The following ZNF578 variants were observed in gnomAD, a reference collection of about 807,000 sequenced individuals.
ZNF578 encodes the protein Putative chemokine-related protein B42.
Under a neutral mutation model 8.3 loss-of-function variants are expected in ZNF578, and 8 were observed. That is an observed-to-expected ratio of 0.96 (90% CI 0.56 to 1.74). The LOEUF (loss-of-function observed/expected upper bound fraction) is 1.74, where lower values mean the gene tolerates loss of function less well. Among genes scored for constraint, ZNF578 ranks in the 40% most tolerant of loss-of-function variants. The pLI is 0.00. For synonymous variants in ZNF578, 206 were observed against 232.2 expected (o/e 0.89, Z 1.03); for missense variants, 726 against 707.5 (o/e 1.03, Z -0.30).
In ZNF578 at chr19:52,510,606, G is replaced by C; in HGVS notation, c.225G>C (p.Leu75Phe). 2 of 1,556,520 alleles carry C rather than the reference G, an allele frequency of 1.3e-6. No homozygotes were observed. Among genetic ancestry groups the C allele is most frequent in the South Asian group, 1.2e-5 (1 of 81,702 alleles). ...ISSKRMMKEVLSTGQGNTEVI... is the reference protein window; with the variant it reads ...ISSKRMMKEVFSTGQGNTEVI... ...CCAAACGCATGATGAAGGAGGTCTTGTCAACAGGGCAAGGCAATACAGAAG... is the reference window on the plus strand; with the variant it reads ...CCAAACGCATGATGAAGGAGGTCTTCTCAACAGGGCAAGGCAATACAGAAG... Residue 75 changes from leucine to phenylalanine, a missense_variant, in exon 6 of 6, where the codon TTG becomes TTC. By Grantham distance (22) the Leu-to-Phe change is conservative (BLOSUM62 0). Transcript: ENST00000421239.
At chr19:52,459,658 T>C (rs1263089205) in intron 2 of ZNF578, among the ~76,000 whole-genome samples, 1 of 138,248 alleles carries the variant, frequency 7.2e-6, no homozygotes, top group African/African-American at 2.8e-5. Flanking sequence ...CACATATATA[T>C]ACTACCATAT....
intron 2 of ZNF578, among the ~76,000 whole-genome samples, chr19:52,476,389 A>G (rs555045911): frequency 6.6e-6 from 1 of 152,270 alleles, no homozygotes; most frequent in African/African-American, 2.4e-5. Flanking sequence ...ATCGACCCAT[A>G]CAGGTGTTTT....
At chr19:52,492,149 TTC>T (rs979179541) in intron 3 of ZNF578, among the ~76,000 whole-genome samples, 12 of 107,076 alleles carry the variant, frequency 1.1e-4, no homozygotes, top group Admixed American at 4.4e-4. Flanking sequence ...CAGAGAGAGA[TTC>T]TGTCTCAAAA....
intron 2 of ZNF578, among the ~76,000 whole-genome samples, chr19:52,486,753 A>G (rs555223787): frequency 1.3e-4 from 20 of 151,932 alleles, no homozygotes; most frequent in African/African-American, 4.8e-4. Context: ...TTTAACAGGG[A>G]GAACAGAGGA....
chr19:52,476,617 G>T (rs1264257719), intron 2 of ZNF578, among the ~76,000 whole-genome samples: 1 of 152,166 alleles, frequency 6.6e-6, no homozygotes, highest in African/African-American at 2.4e-5. Context: ...TTGTAAGTCT[G>T]CTATCCCATG....
In ZNF578 at chr19:52,513,455, G is replaced by T. The variant is rs112789510; in HGVS notation, c.*1301G>T. Among the ~76,000 whole-genome samples the T allele has an allele frequency of 0.015, 2,198 of 150,744 alleles. 56 individuals carry two copies. The highest frequency in any genetic ancestry group is 0.048 in the African/African-American group (1,975 of 41,106). On this transcript the variant is annotated 3_prime_UTR_variant, in exon 6 of 6. Transcript: ENST00000421239. ...AGTTTTAAAAGGGATATCAGGCTGG[G>T]TGTGGCAGCTCACGCCGGTAATCCC...
chr19:52,494,777 T>C (rs1359892799), intron 3 of ZNF578, among the ~76,000 whole-genome samples: 2 of 151,994 alleles, frequency 1.3e-5, no homozygotes, highest in East Asian at 3.9e-4. Flanking sequence ...GGGTAGGAAG[T>C]GGGGCAGTGA....
chr19:52,510,435 C>T (rs901576864), intron 5 of ZNF578, 137 bp from the exon 6 acceptor site: 2 of 1,209,098 alleles, frequency 1.7e-6, no homozygotes, highest in African/African-American at 1.6e-5. Context: ...AATCTTACTA[C>T]TTTTGTGTTC....
intron 5 of ZNF578, among the ~76,000 whole-genome samples, chr19:52,509,409 A>T (rs2059436641): frequency 6.6e-6 from 1 of 152,142 alleles, no homozygotes; most frequent in Admixed American, 6.6e-5. Context: ...CATGGGTTAC[A>T]ATATTTTATT....
At position 52,506,176 on chromosome 19, in the gene ZNF578, G is replaced by A. The variant is rs147291526; in HGVS notation, c.190+1395G>A. ...CGGATTCCAAACTGCTGGGATTACA[G>A]TCATGAGCCACCACCCCTGGCCCCA... On this transcript the variant is annotated intron_variant, in intron 5 of 5. Coordinates refer to ENST00000421239, the MANE Select transcript of ZNF578 (RefSeq NM_001099694.2). Among the ~76,000 whole-genome samples the A allele has an allele frequency of 1.6e-4, 24 of 152,272 alleles. No homozygotes were observed. In the East Asian group the frequency reaches 3.1e-3, roughly 20 times the overall value.
At chr19:52,505,795 T>C (rs1452052982) in intron 5 of ZNF578, among the ~76,000 whole-genome samples, 1 of 152,198 alleles carries the variant, frequency 6.6e-6, no homozygotes, top group East Asian at 1.9e-4. Context: ...GATATGGTTT[T>C]CATCAATCTT....
intron 2 of ZNF578, among the ~76,000 whole-genome samples, chr19:52,475,739 G>A (rs1383777733): frequency 6.6e-6 from 1 of 152,196 alleles, no homozygotes; most frequent in African/African-American, 2.4e-5. Flanking sequence ...ACTACTTTCT[G>A]AGGCTGTACA....
At chr19:52,459,769 A>ATATATTTT (rs1555751349) in intron 2 of ZNF578, among the ~76,000 whole-genome samples, 399 of 17,610 alleles carry the variant, frequency 0.023, 113 homozygotes, top group Middle Eastern at 0.5. Flanking sequence ...ATATATATAT[A>ATATATTTT]TTTTTTTTTT....
intron 2 of ZNF578, among the ~76,000 whole-genome samples, chr19:52,484,686 A>C (rs1394390292): frequency 1.3e-5 from 2 of 151,888 alleles, no homozygotes; most frequent in African/African-American, 2.4e-5. Flanking sequence ...TTAACTGATG[A>C]CATTGTCTTG....
At chr19:52,475,287 C>T in intron 2 of ZNF578, 1 of 216,526 alleles carries the variant, frequency 4.6e-6, no homozygotes, top group East Asian at 1.2e-4. Flanking sequence ...TCAAAAAAAT[C>T]ACCACTTACA....
intron 2 of ZNF578, among the ~76,000 whole-genome samples, chr19:52,485,468 G>A (rs931249170): frequency 2.6e-5 from 4 of 152,214 alleles, no homozygotes; most frequent in Non-Finnish European, 5.9e-5. Flanking sequence ...ATTGAGCATC[G>A]AAGCTCTGTG....
At chr19:52,509,894 CT>C (rs1288415423) in intron 5 of ZNF578, among the ~76,000 whole-genome samples, 38 of 117,318 alleles carry the variant, frequency 3.2e-4, no homozygotes, top group African/African-American at 1.1e-3. Context: ...TTTTTTTTTT[CT>C]GTTTGAGGCA....
At chr19:52,504,095 T>C (rs1193352208) in intron 4 of ZNF578, among the ~76,000 whole-genome samples, 1 of 149,302 alleles carries the variant, frequency 6.7e-6, no homozygotes, top group Non-Finnish European at 1.5e-5. Flanking sequence ...CGCCTGGCAT[T>C]GCTTTTTTTT....
chr19:52,461,009 C>T (rs958623253), intron 2 of ZNF578, among the ~76,000 whole-genome samples: 3 of 152,148 alleles, frequency 2.0e-5, no homozygotes, highest in African/African-American at 7.2e-5. Flanking sequence ...AACCGATACA[C>T]ATTAAAGTAA....
Sources: gnomAD v4.1 joint callset for allele counts (sites outside exome capture counted in the v4.1 genomes callset) on GRCh38, gnomAD v4.1.1 for gene constraint, MANE v1.5 for transcripts, NCBI Gene and HGNC (gene_info 2026-07-23, HGNC 2026-07-21) for gene names.